The following YTHDC2 variants were observed in gnomAD, a reference collection of about 807,000 sequenced individuals.
The protein encoded by YTHDC2 is 3'-5' RNA helicase YTHDC2.
YTHDC2 carries 45 observed loss-of-function variants against 174.9 expected under a neutral mutation model. That is an observed-to-expected ratio of 0.26 (90% CI 0.20 to 0.33). The LOEUF (loss-of-function observed/expected upper bound fraction) is 0.33. Ranked by LOEUF, YTHDC2 falls within the 10% of genes least tolerant of loss-of-function variation. The pLI is 1.00. For missense variants in YTHDC2, 1,650 were observed against 1,723.7 expected (o/e 0.96, Z 0.76); for synonymous variants, 657 against 574.5 (o/e 1.14, Z -2.05).
At chr5:113,558,059 ATGAATC>A (rs1187589540) in intron 17 of YTHDC2, among the ~76,000 whole-genome samples, 1 of 151,978 alleles carries the variant, frequency 6.6e-6, no homozygotes, top group African/African-American at 2.4e-5. Context: ...GTTGTTAAGA[ATGAATC>A]TGAGACAATT....
chr5:113,538,670 G>A (rs1398277496), intron 7 of YTHDC2, among the ~76,000 whole-genome samples: 1 of 151,858 alleles, frequency 6.6e-6, no homozygotes, highest in Admixed American at 6.6e-5. Flanking sequence ...ATACTGTCAT[G>A]GTGTCTTGTA....
chr5:113,515,749 A>C (rs1273014139), intron 2 of YTHDC2, among the ~76,000 whole-genome samples: 1 of 152,232 alleles, frequency 6.6e-6, no homozygotes, highest in Non-Finnish European at 1.5e-5. Context: ...CTTATGTGGC[A>C]TCTTAATAAA....
Position 113,561,158 on chromosome 5 carries a change from T to A in YTHDC2, c.2295T>A (p.Thr765=). 6.2e-7 allele frequency: 1 copy of A among 1,613,094 alleles called. No individual in the cohort carries two copies. Among genetic ancestry groups the A allele is most frequent in the East Asian group, 2.2e-5 (1 of 44,844 alleles). ...LRFQNMLEFQ[T]PELLRMPLQE... ...TCCAGAATATGTTGGAATTTCAGAC[T>A]CCGGAACTTTTGAGAATGCCATTAC... The change falls in exon 18 of 30, where the codon ACT becomes ACA. Residue 765 remains threonine, a synonymous_variant. Transcript: ENST00000161863.
intron 17 of YTHDC2, among the ~76,000 whole-genome samples, chr5:113,559,276 C>T (rs970849330): frequency 1.3e-5 from 2 of 151,866 alleles, no homozygotes; most frequent in Non-Finnish European, 2.9e-5. Flanking sequence ...TTTTTTGCAC[C>T]AAAATAAACT....
At position 113,540,816 on chromosome 5, in the gene YTHDC2, A is replaced by G. The variant is rs116430480; in HGVS notation, c.1211-152A>G. 4.6e-3 allele frequency: 3,004 copies of G among 654,754 alleles called. 11 individuals carry two copies. The highest frequency in any genetic ancestry group is 0.027 in the Middle Eastern group (62 of 2,318). The allele number at this position is 654,754 out of a possible 1,614,324, so 40.6% of individuals were successfully genotyped here. A position where few individuals can be genotyped will look rare whatever the true frequency, so the allele number is the denominator to read the frequency against. ...TTTTGTTTCAGCATAACACATTTTT[A>G]TTGAATATTCTTAATATATTTTTTA... On this transcript the variant is annotated intron_variant, in intron 8 of 29. Transcript: ENST00000161863.
chr5:113,578,239 A>G (rs554689649), intron 23 of YTHDC2, among the ~76,000 whole-genome samples: 4 of 151,786 alleles, frequency 2.6e-5, no homozygotes, highest in African/African-American at 4.8e-5. Context: ...GTTATTCCGG[A>G]TGTAGTGCAG....
intron 8 of YTHDC2, among the ~76,000 whole-genome samples, chr5:113,540,454 A>T (rs1195518619): frequency 6.6e-6 from 1 of 152,198 alleles, no homozygotes; most frequent in Non-Finnish European, 1.5e-5. Flanking sequence ...GGAAATTTAT[A>T]AAGAAAAGAG....
At chr5:113,546,299 A>T (rs546169025) in intron 10 of YTHDC2, among the ~76,000 whole-genome samples, 1 of 152,238 alleles carries the variant, frequency 6.6e-6, no homozygotes, top group South Asian at 2.1e-4. Flanking sequence ...TGTTAATTTG[A>T]TTATGGTCAT....
chr5:113,553,019 T>G (rs1376533702), intron 12 of YTHDC2, among the ~76,000 whole-genome samples, 162 bp from the exon 13 acceptor site: 2 of 152,074 alleles, frequency 1.3e-5, no homozygotes, highest in Non-Finnish European at 2.9e-5. Flanking sequence ...AAATTTTACT[T>G]TGAATAATGT....
chr5:113,568,055 G>T (rs897960462), intron 23 of YTHDC2, among the ~76,000 whole-genome samples: 10 of 151,956 alleles, frequency 6.6e-5, no homozygotes, highest in Admixed American at 2.0e-4. Flanking sequence ...ATGTTTATTT[G>T]TGCATTTTTT....
Position 113,535,310 on chromosome 5 carries a change from A to G in YTHDC2, c.946-332A>G, listed in dbSNP as rs183183407. ...AGGTAGTCTAGAGATGATTTAAAGT[A>G]TATGGAAGGATTTGCATAGGATATG... is the stretch of plus-strand genomic sequence containing the variant. On this transcript the variant is annotated intron_variant, in intron 6 of 29. Transcript: ENST00000161863. Among the ~76,000 whole-genome samples the G allele has an allele frequency of 4.5e-3, 691 of 152,248 alleles. 1 individual carries two copies. The highest frequency in any genetic ancestry group is 7.7e-3 in the Non-Finnish European group (523 of 68,014).
chr5:113,533,264 G>A (rs984262737), intron 5 of YTHDC2, among the ~76,000 whole-genome samples: 28 of 152,074 alleles, frequency 1.8e-4, no homozygotes, highest in African/African-American at 6.5e-4. Context: ...CATTTCAGGC[G>A]GGACGCGGTG....
intron 9 of YTHDC2, 103 bp downstream of exon 9, chr5:113,541,219 T>A: frequency 1.6e-6 from 2 of 1,266,598 alleles, no homozygotes; most frequent in Non-Finnish European, 2.2e-6. Context: ...TGAGATGGAG[T>A]CTGGCTCTGT....
intron 2 of YTHDC2, among the ~76,000 whole-genome samples, chr5:113,516,766 A>T (rs1449685145): frequency 6.6e-6 from 1 of 152,230 alleles, no homozygotes; most frequent in African/African-American, 2.4e-5. Context: ...AAACTTTATT[A>T]AGTAAATATA....
intron 21 of YTHDC2, among the ~76,000 whole-genome samples, chr5:113,566,478 AG>A (rs1414949937): frequency 1.6e-5 from 2 of 127,046 alleles, no homozygotes; most frequent in African/African-American, 6.3e-5. Context: ...AGAGGATGCT[AG>A]TATTGCTATT....
At chr5:113,530,084 A>C (rs1774550999) in intron 4 of YTHDC2, among the ~76,000 whole-genome samples, 3 of 152,150 alleles carry the variant, frequency 2.0e-5, no homozygotes, top group Admixed American at 2.0e-4. Context: ...CTATAGGTGC[A>C]TACCACCACA....
At chr5:113,569,191 G>C (rs1454607025) in intron 23 of YTHDC2, among the ~76,000 whole-genome samples, 1 of 151,848 alleles carries the variant, frequency 6.6e-6, no homozygotes, top group Non-Finnish European at 1.5e-5. Context: ...TTTTTAATGG[G>C]TTGTTTTTTC....
chr5:113,581,748 A>T, intron 25 of YTHDC2, 39 bp downstream of exon 25: 1 of 1,405,526 alleles, frequency 7.1e-7, no homozygotes, highest in Non-Finnish European at 9.3e-7. Context: ...GTCACTTTTT[A>T]TTCAGGAAAA....
chr5:113,515,460 A>C, intron 2 of YTHDC2, 98 bp downstream of exon 2: 1 of 959,642 alleles, frequency 1.0e-6, no homozygotes, highest in Non-Finnish European at 1.6e-6. Context: ...TTACTGTTTT[A>C]ACTTCACATT....
Sources: allele counts gnomAD v4.1 joint callset (sites outside exome capture counted in the v4.1 genomes callset), GRCh38; gene constraint gnomAD v4.1.1; transcripts MANE v1.5; gene names NCBI Gene and HGNC (gene_info 2026-07-23, HGNC 2026-07-21).